The following ERICH1 variants were observed in gnomAD, a reference collection of about 807,000 sequenced individuals.
ERICH1 encodes the protein glutamate rich 1.
ERICH1 carries 56 observed loss-of-function variants against 39.6 expected under a neutral mutation model. That is an observed-to-expected ratio of 1.41 (90% confidence interval 1.14 to 1.77). The LOEUF (loss-of-function observed/expected upper bound fraction) is 1.77, where lower values mean the gene tolerates loss of function less well. Among genes scored for constraint, ERICH1 ranks in the 40% most tolerant of loss-of-function variants. ERICH1 has a pLI of 0.00. For missense variants in ERICH1, 826 were observed against 575.4 expected (o/e 1.44, Z -4.45); for synonymous variants, 313 against 223.6 (o/e 1.40, Z -3.57).
intron 5 of ERICH1, chr8:667,488 G>C (rs1802442061): frequency 6.5e-6 from 1 of 152,758 alleles, no homozygotes; most frequent in Admixed American, 6.5e-5. Context: ...CGAGTATCTG[G>C]CTTCTTTTCC....
At chr8:709,512 C>T (rs117991973) in intron 2 of ERICH1, among the ~76,000 whole-genome samples, 1 of 152,216 alleles carries the variant, frequency 6.6e-6, no homozygotes, top group African/African-American at 2.4e-5. Flanking sequence ...CATTTGCTCC[C>T]TGGAAAAATA....
chr8:698,403 G>A (rs1286375216), intron 2 of ERICH1, among the ~76,000 whole-genome samples: 2 of 151,962 alleles, frequency 1.3e-5, no homozygotes, highest in African/African-American at 2.4e-5. Context: ...ACTTTTAGTA[G>A]AGACAGGGTT....
intron 3 of ERICH1, among the ~76,000 whole-genome samples, 167 bp from the exon 4 acceptor site, chr8:674,214 G>A (rs62487384): frequency 0.016 from 2,480 of 150,590 alleles, 30 homozygotes; most frequent in Middle Eastern, 0.035. Context: ...TAGGACTAAC[G>A]TAATATAAAT....
intron 2 of ERICH1, among the ~76,000 whole-genome samples, chr8:710,663 A>T (rs1814519881): frequency 6.6e-6 from 1 of 152,206 alleles, no homozygotes; most frequent in Non-Finnish European, 1.5e-5. Flanking sequence ...TCACTTACTA[A>T]TAAGCATTTA....
chr8:713,378 C>T (rs1197580137), intron 2 of ERICH1, among the ~76,000 whole-genome samples: 2 of 152,194 alleles, frequency 1.3e-5, no homozygotes, highest in African/African-American at 4.8e-5. Flanking sequence ...TTAATTGGAA[C>T]GTTATCCTAC....
intron 3 of ERICH1, among the ~76,000 whole-genome samples, chr8:620,879 GC>G (rs1797239054): frequency 6.6e-6 from 1 of 151,776 alleles, no homozygotes; most frequent in Non-Finnish European, 1.5e-5. Context: ...GAATGAATAG[GC>G]AGAAGATCCA....
chr8:658,032 C>T (rs1800889752), intron 3 of ERICH1, among the ~76,000 whole-genome samples: 1 of 152,218 alleles, frequency 6.6e-6, no homozygotes. Context: ...CCCCACGGAC[C>T]ATGTTTGAGA....
chr8:673,435 G>C lies in ERICH1; in HGVS notation c.917C>G (p.Pro306Arg), dbSNP rs768525348. ...EDGADASEEDPTWAGEEEGAD... is the reference protein window; with the variant it reads ...EDGADASEEDRTWAGEEEGAD... The stretch of plus-strand genomic sequence containing the variant: ...ACCCTCTTCCTCCCCAGCCCATGTC[G>C]GGTCTTCCTCGCTGGCGTCCGCACC... The change falls in exon 4 of 6, where the codon CCG becomes CGG. Residue 306 changes from proline to arginine, a missense_variant. By Grantham distance (103) the Pro-to-Arg change is moderately radical. Transcript: ENST00000262109. 3 of 1,611,538 alleles carry C rather than the reference G, an allele frequency of 1.9e-6. No homozygotes were observed. The highest frequency in any genetic ancestry group is 2.2e-5 in the East Asian group (1 of 44,736).
intron 3 of ERICH1, among the ~76,000 whole-genome samples, chr8:638,430 C>G (rs143716673): frequency 3.9e-5 from 6 of 152,202 alleles, no homozygotes; most frequent in Non-Finnish European, 7.4e-5. Context: ...GCAGGTGGGC[C>G]GGTCGTGCCT....
At chr8:723,205 G>A (rs1817744734) in intron 1 of ERICH1, among the ~76,000 whole-genome samples, 1 of 152,178 alleles carries the variant, frequency 6.6e-6, no homozygotes, top group African/African-American at 2.4e-5. Flanking sequence ...GAAGCTTCCC[G>A]ACGGGGCCTC....
At chr8:678,579 G>C (rs1333625726) in intron 3 of ERICH1, among the ~76,000 whole-genome samples, 2 of 152,194 alleles carry the variant, frequency 1.3e-5, no homozygotes, top group African/African-American at 4.8e-5. Flanking sequence ...GGAGGCCGAG[G>C]CGGGCGGATC....
At chr8:682,502 C>CGG (rs1181659529) in intron 3 of ERICH1, among the ~76,000 whole-genome samples, 1 of 152,186 alleles carries the variant, frequency 6.6e-6, no homozygotes, top group Admixed American at 6.5e-5. Flanking sequence ...AGAACCACTC[C>CGG]AGAGACTCCA....
Position 664,696 on chromosome 8 carries a change from A to T in ERICH1, c.1259-20T>A. ...CATGGTCTAGAAAGCAAAAAACACA[A>T]AACAAAAAATAAAACAAAGACAAAA... On this transcript the variant is annotated intron_variant, in intron 5 of 5. Transcript: ENST00000262109. The T allele has an allele frequency of 6.3e-7, 1 of 1,576,526 alleles. No homozygotes were observed.
chr8:701,611 GACA>G (rs1209900888), intron 2 of ERICH1, among the ~76,000 whole-genome samples: 14 of 152,186 alleles, frequency 9.2e-5, no homozygotes, highest in African/African-American at 2.4e-5. Context: ...CCTCACACCA[GACA>G]ACAACTGCAA....
chr8:644,341 T>C (rs987110285), intron 3 of ERICH1, among the ~76,000 whole-genome samples: 1 of 152,234 alleles, frequency 6.6e-6, no homozygotes, highest in African/African-American at 2.4e-5. Flanking sequence ...AGTCTCTCAC[T>C]GGGGCCCACA....
chr8:708,681 G>GTTTTTTGTTTTTTTTT lies in ERICH1; in HGVS notation c.169+7179_169+7180insAAAAAAAAACAAAAAA. Among the ~76,000 whole-genome samples, 37 of 65,772 alleles carry GTTTTTTGTTTTTTTTT rather than the reference G, an allele frequency of 5.6e-4. 2 individuals carry two copies. Among genetic ancestry groups the GTTTTTTGTTTTTTTTT allele is most frequent in the Non-Finnish European group, 7.1e-4 (24 of 33,644 alleles). 43.1% of individuals were successfully genotyped at this position (65,772 alleles called of 152,430 possible). On this transcript the variant is annotated intron_variant, in intron 2 of 5. Coordinates refer to ENST00000262109, the MANE Select transcript of ERICH1 (RefSeq NM_207332.3). The stretch of plus-strand genomic sequence containing the variant: ...GGGCTGAGTGGTTACGGGATAATGA[G>GTTTTTTGTTTTTTTTT]TTTTTTTTTTTTTTTTTTTTTTTTT...
chr8:625,635 T>C (rs1469363402), intron 3 of ERICH1: 1 of 152,224 alleles, frequency 6.6e-6, no homozygotes, highest in African/African-American at 2.4e-5. Flanking sequence ...GCAAATTATA[T>C]CTTAAGACAT....
chr8:630,050 G>C (rs1293988065), intron 3 of ERICH1, among the ~76,000 whole-genome samples: 6 of 68,248 alleles, frequency 8.8e-5, no homozygotes, highest in African/African-American at 2.1e-4. Context: ...CACCCACACA[G>C]ACAGAGCTGA....
At chr8:678,161 A>G (rs1206429321) in intron 3 of ERICH1, among the ~76,000 whole-genome samples, 7 of 152,300 alleles carry the variant, frequency 4.6e-5, no homozygotes, top group African/African-American at 1.2e-4. Flanking sequence ...TTAAAAAAAA[A>G]AGAGACTGGA....
Sources: gnomAD v4.1 joint callset for allele counts (sites outside exome capture counted in the v4.1 genomes callset) on GRCh38, gnomAD v4.1.1 for gene constraint, MANE v1.5 for transcripts, NCBI Gene and HGNC (gene_info 2026-07-23, HGNC 2026-07-21) for gene names.